The following FAM47E variants were observed in gnomAD, a reference collection of about 807,000 sequenced individuals.
The protein encoded by FAM47E is family with sequence similarity 47 member E.
FAM47E carries 32 observed loss-of-function variants against 41.6 expected under a neutral mutation model. That is an observed-to-expected ratio of 0.77 (90% CI 0.58 to 1.03). The LOEUF (loss-of-function observed/expected upper bound fraction) is 1.03, where lower values mean the gene tolerates loss of function less well. Ranked by LOEUF, FAM47E falls within the 50% of genes least tolerant of loss-of-function variation. The pLI is 0.00. For synonymous variants in FAM47E, 184 were observed against 188.7 expected (o/e 0.98, Z 0.20); for missense variants, 424 against 485.4 (o/e 0.87, Z 1.19).
chr4:76,242,051 T>A (rs1274360526), intron 2 of FAM47E, among the ~76,000 whole-genome samples: 1 of 152,214 alleles, frequency 6.6e-6, no homozygotes, highest in African/African-American at 2.4e-5. Flanking sequence ...GTGGCTTATA[T>A]GTGATTTCAA....
At position 76,231,671 on chromosome 4, in the gene FAM47E, G is replaced by A. The variant is rs530531614; in HGVS notation, c.81+13983G>A. Among the ~76,000 whole-genome samples the A allele has an allele frequency of 5.2e-4, 79 of 152,336 alleles. 1 individual carries two copies. The highest frequency in any genetic ancestry group is 1.6e-3 in the African/African-American group (66 of 41,578). On this transcript the variant is annotated intron_variant, in intron 2 of 7. Transcript: ENST00000510197. ...GCCTTTCGGATTGGCTTCGATGGAA[G>A]TTTGTTCCACAAGGAATCAGATAAG...
intron 4 of FAM47E, among the ~76,000 whole-genome samples, chr4:76,271,051 C>T (rs1229648492): frequency 6.6e-6 from 1 of 152,136 alleles, no homozygotes; most frequent in Non-Finnish European, 1.5e-5. Flanking sequence ...TAGCCTTGAG[C>T]CATATCATAG....
chr4:76,278,245 T>G, intron 6 of FAM47E, 21 bp downstream of exon 6: 1 of 1,501,706 alleles, frequency 6.7e-7, no homozygotes, highest in Non-Finnish European at 8.9e-7. Context: ...ATACTGAGAT[T>G]TGATCATCTG....
At chr4:76,270,202 TC>T (rs60768232) in intron 4 of FAM47E, among the ~76,000 whole-genome samples, 54,350 of 151,982 alleles carry the variant, frequency 0.36, 10,301 homozygotes, top group Admixed American at 0.42. Context: ...AATCAATATT[TC>T]CCCAAGAAAT....
intron 2 of FAM47E, among the ~76,000 whole-genome samples, chr4:76,246,032 T>C (rs1733819696): frequency 6.6e-6 from 1 of 152,180 alleles, no homozygotes; most frequent in Non-Finnish European, 1.5e-5. Context: ...AGGTGTAGTC[T>C]ACACTGAGGG....
chr4:76,215,637 G>C (rs1733192450), intron 1 of FAM47E, among the ~76,000 whole-genome samples: 1 of 152,172 alleles, frequency 6.6e-6, no homozygotes, highest in Admixed American at 6.5e-5. Context: ...TCTGAAGCTA[G>C]ATCATAAATG....
intron 2 of FAM47E, among the ~76,000 whole-genome samples, chr4:76,234,803 C>T (rs1015321696): frequency 6.6e-6 from 1 of 152,154 alleles, no homozygotes; most frequent in Non-Finnish European, 1.5e-5. Flanking sequence ...GTTCTAGGTA[C>T]TCAAGACACC....
At chr4:76,238,720 A>T (rs757223312) in intron 2 of FAM47E, among the ~76,000 whole-genome samples, 6 of 152,208 alleles carry the variant, frequency 3.9e-5, no homozygotes, top group Non-Finnish European at 7.3e-5. Flanking sequence ...ATTTAAAAAA[A>T]CTTTATTGTT....
intron 2 of FAM47E, among the ~76,000 whole-genome samples, chr4:76,219,712 GAT>G (rs1174232793): frequency 6.6e-6 from 1 of 152,002 alleles, no homozygotes; most frequent in African/African-American, 2.4e-5. Context: ...TTTGGCCAGA[GAT>G]AGGGGTGCAG....
chr4:76,278,320 A>G lies in FAM47E; in HGVS notation c.1026+96A>G, dbSNP rs560589222. On this transcript the variant is annotated intron_variant, in intron 6 of 7. Coordinates refer to ENST00000424749, the MANE Select transcript of FAM47E (RefSeq NM_001136570.3). Reference sequence around the variant, plus strand: ...GAACCAGACTCTGCGGCGTAATACAAAGGCTCCTGAAAGCCCTCCACCTTG... The same window carrying G: ...GAACCAGACTCTGCGGCGTAATACAGAGGCTCCTGAAAGCCCTCCACCTTG... The G allele has an allele frequency of 1.6e-5, 21 of 1,299,052 alleles. No homozygotes were observed. In the South Asian group the frequency reaches 4.6e-4, roughly 28 times the overall value. The allele number at this position is 1,299,052 out of a possible 1,614,324, so 80.5% of individuals were successfully genotyped here. A position where few individuals can be genotyped will look rare whatever the true frequency, so the allele number is the denominator to read the frequency against.
At position 76,251,787 on chromosome 4, in the gene FAM47E, C is replaced by T. The variant is rs750149677; in HGVS notation, c.41C>T (p.Ala14Val). Residue 14 changes from alanine (A) to valine (V), a missense_variant, in exon 1 of 8, where the codon GCC becomes GTC. Coordinates refer to ENST00000424749, the MANE Select transcript of FAM47E (RefSeq NM_001136570.3). ...CGGCGGCTCCGGCCGGGGACGTTGG[C>T]CCCGGTGCGCGAGGGCGTGAACTGC... The part of the protein sequence containing the change: ...RRRRLRPGTL[A>V]PVREGVNCRS... 14 of 1,489,786 alleles carry T rather than the reference C, an allele frequency of 9.4e-6. No individual in the cohort carries two copies. The highest frequency in any genetic ancestry group is 1.3e-5 in the South Asian group (1 of 79,242). 92.3% of individuals were successfully genotyped at this position (1,489,786 alleles called of 1,614,324 possible). A position where few individuals can be genotyped will look rare whatever the true frequency, so the allele number is the denominator to read the frequency against.
chr4:76,275,170 C>T lies in FAM47E; in HGVS notation c.871-2899C>T, dbSNP rs372699795. Among the ~76,000 whole-genome samples the T allele has an allele frequency of 6.4e-4, 98 of 152,254 alleles. 1 individual carries two copies. The highest frequency in any genetic ancestry group is 2.5e-3 in the South Asian group (12 of 4,820). ...GGGCATCCCTGTCTTTATTTTCTGA[C>T]TCCACATACCCTCAGGCCTGCTAAA... On this transcript the variant is annotated intron_variant, in intron 5 of 7. Transcript: ENST00000424749.
At chr4:76,269,710 C>G (rs1280502246) in intron 4 of FAM47E, 1 of 152,052 alleles carries the variant, frequency 6.6e-6, no homozygotes, top group Non-Finnish European at 1.5e-5. Context: ...ATTGCTTGAG[C>G]CTGGGAAATC....
At chr4:76,218,319 A>T (rs939011604) in intron 2 of FAM47E, among the ~76,000 whole-genome samples, 5 of 152,196 alleles carry the variant, frequency 3.3e-5, no homozygotes, top group African/African-American at 9.7e-5. Flanking sequence ...CATAAGAAAA[A>T]ATTACTCTCT....
chr4:76,255,015 G>A (rs1482468437), intron 1 of FAM47E, among the ~76,000 whole-genome samples: 1 of 152,116 alleles, frequency 6.6e-6, no homozygotes, highest in Middle Eastern at 3.2e-3. Flanking sequence ...TGAGAGAGCA[G>A]ATGATTTGTC....
chr4:76,260,146 A>G (rs773533877), intron 2 of FAM47E, among the ~76,000 whole-genome samples: 10 of 152,208 alleles, frequency 6.6e-5, no homozygotes, highest in Non-Finnish European at 1.3e-4. Context: ...ATCCAAAGCA[A>G]TCTACAGATT....
At chr4:76,268,532 G>A (rs559245233) in intron 3 of FAM47E, 128 bp from the exon 4 acceptor site, 9 of 890,526 alleles carry the variant, frequency 1.0e-5, no homozygotes, top group South Asian at 1.8e-5. Flanking sequence ...AATACAATTT[G>A]TATGTGAGCT....
intron 2 of FAM47E, among the ~76,000 whole-genome samples, chr4:76,218,390 A>G (rs1051004994): frequency 1.3e-5 from 2 of 152,200 alleles, no homozygotes; most frequent in African/African-American, 4.8e-5. Flanking sequence ...CTTTATGCAG[A>G]TAGGCTTACA....
At chr4:76,233,116 C>T (rs1376598898) in intron 2 of FAM47E, among the ~76,000 whole-genome samples, 3 of 152,154 alleles carry the variant, frequency 2.0e-5, no homozygotes, top group Non-Finnish European at 4.4e-5. Context: ...TCTTACACAC[C>T]TTGCATGTAA....
Sources: allele counts gnomAD v4.1 joint callset (sites outside exome capture counted in the v4.1 genomes callset), GRCh38; gene constraint gnomAD v4.1.1; transcripts MANE v1.5; gene names NCBI Gene and HGNC (gene_info 2026-07-23, HGNC 2026-07-21).